Variants in MLXIP observed in about 807,000 individuals in gnomAD.
The protein encoded by MLXIP is MLX interacting protein.
MLXIP carries 30 observed loss-of-function variants against 87.2 expected under a neutral mutation model. That is an observed-to-expected ratio of 0.34 (90% CI 0.26 to 0.47). MLXIP has a LOEUF of 0.47. Among genes scored for constraint, MLXIP ranks in the 20% least tolerant of loss-of-function variants. The pLI is 1.00. For synonymous variants in MLXIP, 530 were observed against 514.0 expected (o/e 1.03, Z -0.42); for missense variants, 1,002 against 1,240.1 (o/e 0.81, Z 2.88).
chr12:122,094,206 TGGAGTGTGTG>T (rs1410416098), intron 1 of MLXIP, among the ~76,000 whole-genome samples: 4 of 114,420 alleles, frequency 3.5e-5, no homozygotes, highest in Admixed American at 9.4e-5. Context: ...TGTTGGTGTG[TGGAGTGTGTG>T]GGTGTGTGTA....
chr12:122,094,930 G>C (rs1952326236), intron 1 of MLXIP, among the ~76,000 whole-genome samples: 2 of 148,124 alleles, frequency 1.4e-5, no homozygotes, highest in African/African-American at 5.0e-5. Flanking sequence ...TCTGGTGTTG[G>C]TGTGTGATTG....
intron 1 of MLXIP, among the ~76,000 whole-genome samples, chr12:122,093,726 G>T (rs1308302188): frequency 5.4e-5 from 7 of 129,222 alleles, no homozygotes; most frequent in African/African-American, 2.0e-4. Flanking sequence ...GGGTGTGTTT[G>T]CGGTGCCTGT....
In MLXIP at chr12:122,078,829, GGATGCCC is replaced by G; in HGVS notation, c.-24_-18del. 6.1e-5 allele frequency: 64 copies of G among 1,053,338 alleles called. No homozygotes were observed. The highest frequency in any genetic ancestry group is 7.3e-5 in the Non-Finnish European group (64 of 874,630). 65.2% of individuals were successfully genotyped at this position (1,053,338 alleles called of 1,614,324 possible). On this transcript the variant is annotated 5_prime_UTR_variant, in exon 1 of 17. It removes an upstream start codon present in the reference 5' UTR. Transcript: ENST00000319080. ...TTGTCGCGTTGCCCCGGGCTCCGGG[GGATGCCC>G]CCGGCCGAGCCCTTCTCATGGCCGC...
intron 8 of MLXIP, chr12:122,132,957 T>C (rs1953006985): frequency 5.2e-6 from 1 of 193,142 alleles, no homozygotes. Flanking sequence ...AGAGGTGGCC[T>C]GATGACCAGT....
intron 1 of MLXIP, among the ~76,000 whole-genome samples, chr12:122,101,574 C>CT (rs570174397): frequency 0.046 from 2,842 of 61,770 alleles, 93 homozygotes; most frequent in African/African-American, 0.16. Context: ...TTATTTTTTT[C>CT]TTTTTTTTTC....
rs1025632557 is a variant in MLXIP, at chr12:122,143,571, G to A, written c.*1759G>A. 6.6e-6 allele frequency: 1 copy of A among 152,288 alleles called. No homozygotes were observed. Among genetic ancestry groups the A allele is most frequent in the African/African-American group, 2.4e-5 (1 of 41,440 alleles). 9.4% of individuals were successfully genotyped at this position (152,288 alleles called of 1,614,324 possible). The stretch of plus-strand genomic sequence containing the variant: ...TTGTCCCAAAGGCAGAGGCCACCGT[G>A]GTAGGAATTCCACCAAGGCCAGAAG... On this transcript the variant is annotated 3_prime_UTR_variant, in exon 17 of 17. Transcript: ENST00000319080.
rs1179657875 is a variant in MLXIP, at chr12:122,146,863, T to G, written c.*5051T>G. On this transcript the variant is annotated 3_prime_UTR_variant, in exon 17 of 17. Transcript: ENST00000319080. The stretch of plus-strand genomic sequence containing the variant: ...TGGGAGAAACTGAAGTTCTATACAT[T>G]TCCATAGAGTTTACATCCTGCAGTT... The G allele has an allele frequency of 6.6e-6, 1 of 152,186 alleles. No homozygotes were observed. The highest frequency in any genetic ancestry group is 2.4e-5 in the African/African-American group (1 of 41,436). 9.4% of individuals were successfully genotyped at this position (152,186 alleles called of 1,614,324 possible). A position where few individuals can be genotyped will look rare whatever the true frequency, so the allele number is the denominator to read the frequency against.
rs535384127 is a variant in MLXIP at position 122,087,561 on chromosome 12, G to A, written c.413+8295G>A. On this transcript the variant is annotated intron_variant, in intron 1 of 16. Transcript: ENST00000319080. Reference sequence around the variant, plus strand: ...AGGCCTTCGCTGGAGTGAGCTTGGCGCATTGCAAGGTTAGAAAGAAGGCTA... The same window carrying A: ...AGGCCTTCGCTGGAGTGAGCTTGGCACATTGCAAGGTTAGAAAGAAGGCTA... Among the ~76,000 whole-genome samples the A allele has an allele frequency of 3.9e-5, 6 of 152,328 alleles. No homozygotes were observed. In the East Asian group the frequency reaches 9.6e-4, roughly 24 times the overall value.
intron 1 of MLXIP, among the ~76,000 whole-genome samples, chr12:122,090,766 T>TA (rs1480007168): frequency 6.6e-6 from 1 of 152,122 alleles, no homozygotes; most frequent in Non-Finnish European, 1.5e-5. Flanking sequence ...TTCCCAGAAA[T>TA]AAAAAATATT....
chr12:122,128,000 T>A, intron 3 of MLXIP, 32 bp downstream of exon 3: 1 of 1,581,964 alleles, frequency 6.3e-7, no homozygotes, highest in Non-Finnish European at 8.7e-7. Flanking sequence ...TGGCTGAGAG[T>A]GGAAACATAC....
At chr12:122,103,010 AC>A (rs1430457479) in intron 1 of MLXIP, among the ~76,000 whole-genome samples, 1 of 152,108 alleles carries the variant, frequency 6.6e-6, no homozygotes, top group African/African-American at 2.4e-5. Flanking sequence ...ATTGAATTGT[AC>A]ACTATTTTTT....
chr12:122,111,698 T>C (rs995676430), intron 1 of MLXIP, among the ~76,000 whole-genome samples: 2 of 152,242 alleles, frequency 1.3e-5, no homozygotes, highest in African/African-American at 4.8e-5. Context: ...TTTGTTTTGC[T>C]GTTTTTTCTT....
chr12:122,111,076 CA>C (rs56017387), intron 1 of MLXIP, among the ~76,000 whole-genome samples: 20,754 of 129,148 alleles, frequency 0.16, 1,515 homozygotes, highest in East Asian at 0.25. Flanking sequence ...GACTCTGTCT[CA>C]AAAAAAAAAA....
intron 1 of MLXIP, among the ~76,000 whole-genome samples, chr12:122,123,645 C>T (rs1038699717): frequency 1.3e-5 from 2 of 152,200 alleles, no homozygotes; most frequent in Admixed American, 6.5e-5. Flanking sequence ...ACCCTCTGCC[C>T]TCCAGCTTTG....
rs1463171905 is a variant in MLXIP, at chr12:122,137,680, C to T, written c.2154+90C>T. ...TGTGTCTTGTCTGGAACGGAGACCT[C>T]AGACCCAGCCAGAGCTGCCCAGGCA... is the stretch of plus-strand genomic sequence containing the variant. On this transcript the variant is annotated intron_variant, in intron 12 of 16. Coordinates refer to ENST00000319080, the MANE Select transcript of MLXIP (RefSeq NM_014938.6). The surrounding 1 kb of genome is among the most constrained non-coding windows in gnomAD (Gnocchi z 4.1). 3.2e-6 allele frequency: 5 copies of T among 1,553,622 alleles called. No homozygotes were observed. The highest frequency in any genetic ancestry group is 2.3e-5 in the East Asian group (1 of 44,098).
At chr12:122,095,847 A>G (rs1952343255) in intron 1 of MLXIP, among the ~76,000 whole-genome samples, 1 of 151,038 alleles carries the variant, frequency 6.6e-6, no homozygotes, top group Non-Finnish European at 1.5e-5. Flanking sequence ...GTATATATAT[A>G]TTTTCCTTAT....
intron 1 of MLXIP, among the ~76,000 whole-genome samples, chr12:122,095,945 A>G: frequency 6.6e-6 from 1 of 151,848 alleles, no homozygotes; most frequent in African/African-American, 2.4e-5. Context: ...GCTCACTGCA[A>G]CCTCCGCCTC....
intron 1 of MLXIP, among the ~76,000 whole-genome samples, chr12:122,103,059 A>G (rs2135929247): frequency 6.6e-6 from 1 of 152,310 alleles, no homozygotes; most frequent in East Asian, 1.9e-4. Context: ...GCTGAAGTGC[A>G]GCGGCATGAT....
At chr12:122,113,798 C>T (rs28545660) in intron 1 of MLXIP, among the ~76,000 whole-genome samples, 69,330 of 150,062 alleles carry the variant, frequency 0.46, 16,183 homozygotes, top group Middle Eastern at 0.63. Context: ...CATTCTCCTG[C>T]GTCAGCCTCC....
Sources: gnomAD v4.1 joint callset for allele counts (sites outside exome capture counted in the v4.1 genomes callset) on GRCh38, gnomAD v4.1.1 for gene constraint, Gnocchi (gnomAD v3.1) non-coding constraint, MANE v1.5 for transcripts, NCBI Gene and HGNC (gene_info 2026-07-23, HGNC 2026-07-21) for gene names.